INPP4B: variants seen among roughly 807,000 people sequenced by gnomAD.
INPP4B encodes inositol polyphosphate 4-phosphatase type II.
A neutral mutation model predicts 122.5 loss-of-function variants in INPP4B; 55 were observed. The ratio of observed to expected loss-of-function variants is 0.45; its 90% confidence interval spans 0.36 to 0.56. The LOEUF is 0.56. Ranked by LOEUF, INPP4B falls within the 20% of genes least tolerant of loss-of-function variation. The pLI, the probability that INPP4B is intolerant of heterozygous loss-of-function variation, is 0.00. For synonymous variants in INPP4B, 403 were observed against 388.7 expected (o/e 1.04, Z -0.43); for missense variants, 1,000 against 1,097.7 (o/e 0.91, Z 1.26).
intron 7 of INPP4B, among the ~76,000 whole-genome samples, chr4:142,378,463 C>T (rs1792832655): frequency 6.6e-6 from 1 of 152,114 alleles, no homozygotes; most frequent in African/African-American, 2.4e-5. Flanking sequence ...TTTTCTCAGA[C>T]ACTTGTGTAG....
intron 15 of INPP4B, among the ~76,000 whole-genome samples, chr4:142,180,675 G>A (rs891726707): frequency 3.3e-5 from 5 of 152,040 alleles, no homozygotes; most frequent in African/African-American, 9.7e-5. Context: ...GTTCAAACCC[G>A]GGTTTTCATT....
At chr4:142,192,228 G>A (rs916950330) in intron 15 of INPP4B, among the ~76,000 whole-genome samples, 3 of 149,142 alleles carry the variant, frequency 2.0e-5, no homozygotes, top group Admixed American at 6.7e-5. Flanking sequence ...TTATTACTTC[G>A]GTGGCAAAAT....
At chr4:142,722,512 G>A (rs1271251126) in intron 2 of INPP4B, among the ~76,000 whole-genome samples, 1 of 151,956 alleles carries the variant, frequency 6.6e-6, no homozygotes, top group Non-Finnish European at 1.5e-5. Context: ...ATAAAATATT[G>A]CACAGAAACT....
intron 2 of INPP4B, among the ~76,000 whole-genome samples, chr4:142,719,318 C>T (rs973270317): frequency 6.6e-6 from 1 of 151,754 alleles, no homozygotes; most frequent in African/African-American, 2.4e-5. Flanking sequence ...GCCAATACTA[C>T]AATTTTCTTA....
At chr4:142,705,901 C>A (rs1010938933) in intron 2 of INPP4B, among the ~76,000 whole-genome samples, 5 of 152,214 alleles carry the variant, frequency 3.3e-5, no homozygotes, top group African/African-American at 9.6e-5. Context: ...ACAGTGCAAC[C>A]TGGGTGATTG....
chr4:142,034,944 A>AACAC (rs150138985), intron 25 of INPP4B, among the ~76,000 whole-genome samples: 1 of 151,716 alleles, frequency 6.6e-6, no homozygotes, highest in African/African-American at 2.4e-5. Context: ...TATCACCTGG[A>AACAC]ACACACACAC....
intron 11 of INPP4B, among the ~76,000 whole-genome samples, chr4:142,238,299 A>G (rs1857553635): frequency 6.6e-6 from 1 of 152,044 alleles, no homozygotes; most frequent in African/African-American, 2.4e-5. Flanking sequence ...ACTCCAAATC[A>G]TAAATGTGGC....
intron 1 of INPP4B, among the ~76,000 whole-genome samples, chr4:142,750,222 C>T (rs1769461968): frequency 6.6e-6 from 1 of 151,880 alleles, no homozygotes; most frequent in Non-Finnish European, 1.5e-5. Context: ...AAAAAATGCT[C>T]CTACAAAATA....
intron 2 of INPP4B, among the ~76,000 whole-genome samples, chr4:142,614,415 TG>T (rs1743257658): frequency 6.6e-6 from 1 of 152,068 alleles, no homozygotes; most frequent in Non-Finnish European, 1.5e-5. Context: ...AAAACCTAAA[TG>T]TAAGACTTGA....
chr4:142,524,073 A>T (rs1341946626), intron 2 of INPP4B, among the ~76,000 whole-genome samples: 16 of 151,112 alleles, frequency 1.1e-4, no homozygotes, highest in Admixed American at 7.9e-4. Flanking sequence ...GACATTTGGG[A>T]TGGTTCCAAG....
intron 6 of INPP4B, among the ~76,000 whole-genome samples, chr4:142,404,985 T>G (rs1579970118): frequency 6.6e-6 from 1 of 152,166 alleles, no homozygotes; most frequent in East Asian, 1.9e-4. Context: ...TTCGTTCTAG[T>G]AAATTACCAA....
intron 1 of INPP4B, among the ~76,000 whole-genome samples, chr4:142,748,469 A>G (rs1769133713): frequency 6.6e-6 from 1 of 152,048 alleles, no homozygotes; most frequent in Non-Finnish European, 1.5e-5. Context: ...GTTTAATAGA[A>G]TTGGTAAACT....
At chr4:142,310,248 T>C (rs1340317876) in intron 8 of INPP4B, among the ~76,000 whole-genome samples, 1 of 152,170 alleles carries the variant, frequency 6.6e-6, no homozygotes, top group Non-Finnish European at 1.5e-5. Flanking sequence ...TACTCCAAGT[T>C]GAGATGTACA....
chr4:142,118,632 C>T (rs944145981), intron 21 of INPP4B, among the ~76,000 whole-genome samples: 1 of 152,078 alleles, frequency 6.6e-6, no homozygotes, highest in Admixed American at 6.6e-5. Context: ...ACACCTTATA[C>T]AAAAATTAAT....
At chr4:142,134,663 G>A (rs1249633703) in intron 18 of INPP4B, among the ~76,000 whole-genome samples, 2 of 151,942 alleles carry the variant, frequency 1.3e-5, no homozygotes, top group Non-Finnish European at 2.9e-5. Context: ...TGGGCATAGT[G>A]GCGCATGCCT....
intron 2 of INPP4B, among the ~76,000 whole-genome samples, chr4:142,593,334 T>C (rs1365277494): frequency 6.6e-6 from 1 of 152,032 alleles, no homozygotes; most frequent in African/African-American, 2.4e-5. Flanking sequence ...CCCCTGCAAG[T>C]TTCCTCACTC....
chr4:142,267,043 GA>G (rs1743163027), intron 10 of INPP4B, among the ~76,000 whole-genome samples: 1 of 152,032 alleles, frequency 6.6e-6, no homozygotes, highest in Non-Finnish European at 1.5e-5. Context: ...AAACATTAAT[GA>G]AAAAAAGTTG....
At chr4:142,687,811 G>A (rs1188547585) in intron 2 of INPP4B, among the ~76,000 whole-genome samples, 8 of 152,028 alleles carry the variant, frequency 5.3e-5, no homozygotes, top group East Asian at 1.9e-4. Context: ...GGCACCATAC[G>A]CCTACCCGGG....
At chr4:142,118,246 C>A (rs907700914) in intron 21 of INPP4B, among the ~76,000 whole-genome samples, 2 of 152,102 alleles carry the variant, frequency 1.3e-5, no homozygotes, top group African/African-American at 2.4e-5. Flanking sequence ...TCAATGCCAA[C>A]CCCATCAAGC....
Sources: gnomAD v4.1 joint callset for allele counts (sites outside exome capture counted in the v4.1 genomes callset) on GRCh38, gnomAD v4.1.1 for gene constraint, MANE v1.5 for transcripts, NCBI Gene and HGNC (gene_info 2026-07-23, HGNC 2026-07-21) for gene names.